Variants in PAN3 observed in about 807,000 individuals in gnomAD.
PAN3 encodes poly(A) specific ribonuclease subunit PAN3.
PAN3 carries 19 observed loss-of-function variants against 96.2 expected under a neutral mutation model. The observed-to-expected ratio is 0.20, with a 90% CI of 0.14 to 0.29. The LOEUF is 0.29. Among genes scored for constraint, PAN3 ranks in the 10% least tolerant of loss-of-function variants. The pLI is 1.00. For synonymous variants in PAN3, 433 were observed against 406.6 expected (o/e 1.06, Z -0.78); for missense variants, 882 against 1,108.1 (o/e 0.80, Z 2.90).
intron 5 of PAN3, among the ~76,000 whole-genome samples, chr13:28,210,467 A>C (rs565470197): frequency 2.0e-5 from 3 of 152,088 alleles, no homozygotes; most frequent in Non-Finnish European, 4.4e-5. Flanking sequence ...GTCTCCACCA[A>C]TTTTATCTGA....
chr13:28,265,226 G>C (rs1204157465), intron 9 of PAN3, among the ~76,000 whole-genome samples: 1 of 152,150 alleles, frequency 6.6e-6, no homozygotes, highest in Non-Finnish European at 1.5e-5. Flanking sequence ...CCGTTGTACT[G>C]CTTTTATTTT....
rs372237939 is a variant in PAN3, at chr13:28,201,419, G to T, written c.852+4073G>T. Among the ~76,000 whole-genome samples the T allele has an allele frequency of 1.2e-4, 18 of 152,128 alleles. No individual in the cohort carries two copies. The South Asian group carries it at 3.7e-3, about 32-fold the overall frequency. On this transcript the variant is annotated intron_variant, in intron 5 of 18. Transcript: ENST00000380958. ...AAATTAGCCGGGCATGGTGGCGGGT[G>T]CCTGTAGTCCCAGCTACTTGGGAGG... is the stretch of plus-strand genomic sequence containing the variant.
Position 28,292,597 on chromosome 13 carries a change from C to T in PAN3, c.*75C>T. On this transcript the variant is annotated 3_prime_UTR_variant, in exon 19 of 19. Transcript: ENST00000380958. Reference sequence around the variant, plus strand: ...CAAATTGCACTACAGCTGAACTTTTCATCATCTCATTCACATTTGGGAAAC... The same window carrying T: ...CAAATTGCACTACAGCTGAACTTTTTATCATCTCATTCACATTTGGGAAAC... 1 of 1,399,222 alleles carries T rather than the reference C, an allele frequency of 7.1e-7. No homozygotes were observed. The highest frequency in any genetic ancestry group is 9.5e-7 in the Non-Finnish European group (1 of 1,047,508). 86.7% of individuals were successfully genotyped at this position (1,399,222 alleles called of 1,614,324 possible).
chr13:28,261,374 T>G lies in PAN3; in HGVS notation c.1354-27T>G, dbSNP rs763414379. 2.8e-6 allele frequency: 4 copies of G among 1,404,542 alleles called. No individual in the cohort carries two copies. The African/African-American group carries it at 9.3e-5, about 33-fold the overall frequency. 87.0% of individuals were successfully genotyped at this position (1,404,542 alleles called of 1,614,324 possible). On this transcript the variant is annotated intron_variant, in intron 8 of 18. Transcript: ENST00000380958. ...CCAGGTTTCAGAATCTGTGTTTAAA[T>G]AAAAATATACTTATTTTGTTTCATA... is the stretch of plus-strand genomic sequence containing the variant.
At chr13:28,141,752 A>C (rs1414280361) in intron 1 of PAN3, among the ~76,000 whole-genome samples, 1 of 151,894 alleles carries the variant, frequency 6.6e-6, no homozygotes, top group Non-Finnish European at 1.5e-5. Context: ...GAGCCACCGC[A>C]CCTGGCCGAG....
intron 5 of PAN3, among the ~76,000 whole-genome samples, chr13:28,198,225 G>A (rs1878294153): frequency 6.6e-6 from 1 of 151,702 alleles, no homozygotes; most frequent in African/African-American, 2.4e-5. Flanking sequence ...GGCGGAGGTT[G>A]CAGCAAGCCG....
At chr13:28,152,353 G>A (rs1262708837) in intron 1 of PAN3, among the ~76,000 whole-genome samples, 1 of 152,134 alleles carries the variant, frequency 6.6e-6, no homozygotes, top group East Asian at 1.9e-4. Flanking sequence ...GGAAGGTGAG[G>A]GGGGTGGATC....
chr13:28,146,028 T>C (rs1014710977), intron 1 of PAN3, among the ~76,000 whole-genome samples: 1 of 152,134 alleles, frequency 6.6e-6, no homozygotes, highest in African/African-American at 2.4e-5. Context: ...CCCAAAGTGC[T>C]GGGATTGCAG....
intron 5 of PAN3, chr13:28,215,820 A>G: frequency 7.3e-7 from 1 of 1,375,196 alleles, no homozygotes. Flanking sequence ...TGTGGGTGTC[A>G]TCAAAGCAGT....
chr13:28,216,372 G>A (rs1177414974), intron 5 of PAN3, among the ~76,000 whole-genome samples: 1 of 152,150 alleles, frequency 6.6e-6, no homozygotes, highest in African/African-American at 2.4e-5. Flanking sequence ...AGAGGCCTGT[G>A]CAGACTTTAG....
rs576031809 is a variant in PAN3 at position 28,270,562 on chromosome 13, C to T, written c.1793-139C>T. The T allele has an allele frequency of 1.4e-5, 11 of 793,636 alleles. No individual in the cohort carries two copies. The East Asian group carries it at 2.9e-4, about 21-fold the overall frequency. The allele number at this position is 793,636 out of a possible 1,614,324, so 49.2% of individuals were successfully genotyped here. A position where few individuals can be genotyped will look rare whatever the true frequency, so the allele number is the denominator to read the frequency against. On this transcript the variant is annotated intron_variant, in intron 12 of 18. Coordinates refer to ENST00000380958, the MANE Select transcript of PAN3 (RefSeq NM_175854.8). Reference sequence around the variant, plus strand: ...CAATAGACTAAACTTAAATTACACACATACATACACACACATATATAAATT... The same window carrying T: ...CAATAGACTAAACTTAAATTACACATATACATACACACACATATATAAATT...
chr13:28,176,217 T>C (rs1874964313), intron 2 of PAN3, among the ~76,000 whole-genome samples: 1 of 152,212 alleles, frequency 6.6e-6, no homozygotes, highest in Non-Finnish European at 1.5e-5. Context: ...AACTTAGTTA[T>C]GTGTTTTGCC....
intron 4 of PAN3, among the ~76,000 whole-genome samples, chr13:28,195,546 T>C (rs1877946553): frequency 6.6e-6 from 1 of 152,210 alleles, no homozygotes; most frequent in Non-Finnish European, 1.5e-5. Context: ...TTGTTTGTTT[T>C]TAAATTTGGG....
At chr13:28,188,639 A>G (rs1028019445) in intron 4 of PAN3, among the ~76,000 whole-genome samples, 1 of 152,228 alleles carries the variant, frequency 6.6e-6, no homozygotes, top group Admixed American at 6.5e-5. Context: ...TTCAGAGTGT[A>G]AATAGTGAAA....
chr13:28,195,518 ATTG>A (rs1205089619), intron 4 of PAN3, among the ~76,000 whole-genome samples: 2 of 151,328 alleles, frequency 1.3e-5, no homozygotes, highest in African/African-American at 2.4e-5. Flanking sequence ...TTTTTTTGTT[ATTG>A]TTGTTTTTTA....
chr13:28,179,608 G>A (rs1433940964), intron 4 of PAN3, among the ~76,000 whole-genome samples: 1 of 151,896 alleles, frequency 6.6e-6, no homozygotes, highest in Non-Finnish European at 1.5e-5. Context: ...CGCAGCTGAG[G>A]TGGGAGAGTC....
intron 6 of PAN3, among the ~76,000 whole-genome samples, chr13:28,223,160 C>T (rs1881583036): frequency 1.3e-5 from 2 of 152,086 alleles, no homozygotes; most frequent in Non-Finnish European, 2.9e-5. Flanking sequence ...AAAAATAAGT[C>T]ATGTTTTTGG....
intron 6 of PAN3, among the ~76,000 whole-genome samples, chr13:28,244,587 G>A (rs1205026114): frequency 6.6e-6 from 1 of 151,912 alleles, no homozygotes; most frequent in Non-Finnish European, 1.5e-5. Flanking sequence ...ATCGGTTTTG[G>A]TGTCCTATTC....
intron 6 of PAN3, among the ~76,000 whole-genome samples, chr13:28,249,455 AT>A (rs530329855): frequency 2.6e-4 from 39 of 147,716 alleles, no homozygotes; most frequent in East Asian, 3.9e-4. Context: ...GATTTTTATT[AT>A]TTTTTTTTTT....
Sources: gnomAD v4.1 joint callset for allele counts (sites outside exome capture counted in the v4.1 genomes callset) on GRCh38, gnomAD v4.1.1 for gene constraint, MANE v1.5 for transcripts, NCBI Gene and HGNC (gene_info 2026-07-23, HGNC 2026-07-21) for gene names.